Variants in PDE4D observed in about 807,000 individuals in gnomAD.
PDE4D encodes the protein phosphodiesterase 4D.
PDE4D carries 24 observed loss-of-function variants against 87.4 expected under a neutral mutation model. That is an observed-to-expected ratio of 0.27 (90% confidence interval 0.20 to 0.39). PDE4D has a LOEUF of 0.39. Among genes scored for constraint, PDE4D ranks in the 10% least tolerant of loss-of-function variants. The pLI is 1.00. For synonymous variants in PDE4D, 384 were observed against 383.2 expected (o/e 1.00, Z -0.02); for missense variants, 714 against 1,041.0 (o/e 0.69, Z 4.32).
chr5:60,380,062 C>G (rs1233394291), intron 1 of PDE4D, among the ~76,000 whole-genome samples: 1 of 152,120 alleles, frequency 6.6e-6, no homozygotes, highest in Non-Finnish European at 1.5e-5. Flanking sequence ...GTGCCCGATG[C>G]TGGTTAATTT....
chr5:60,337,632 T>A (rs1213173887), intron 1 of PDE4D, among the ~76,000 whole-genome samples: 4 of 151,986 alleles, frequency 2.6e-5, no homozygotes, highest in African/African-American at 7.2e-5. Flanking sequence ...CAGACTTTTT[T>A]AAGTGGAAAA....
chr5:59,891,668 G>A (rs932995964), intron 1 of PDE4D, among the ~76,000 whole-genome samples: 1 of 152,110 alleles, frequency 6.6e-6, no homozygotes, highest in African/African-American at 2.4e-5. Flanking sequence ...GTACCTAAGG[G>A]TGTGAGCCAG....
chr5:59,086,865 G>T (rs1767790343), intron 5 of PDE4D, among the ~76,000 whole-genome samples: 2 of 152,026 alleles, frequency 1.3e-5, no homozygotes, highest in South Asian at 2.1e-4. Flanking sequence ...AACTCCCTTA[G>T]TTCAAGCCCT....
chr5:59,217,264 T>G (rs1361964200), intron 1 of PDE4D: 2 of 455,870 alleles, frequency 4.4e-6, no homozygotes, highest in Admixed American at 2.3e-5. Flanking sequence ...AAAAACTTGT[T>G]GAAAGAATAA....
intron 1 of PDE4D, among the ~76,000 whole-genome samples, chr5:60,239,525 A>C (rs1746834190): frequency 6.6e-6 from 1 of 152,170 alleles, no homozygotes; most frequent in African/African-American, 2.4e-5. Flanking sequence ...ATGAATACAG[A>C]AAGAATTGAA....
chr5:60,196,309 G>C (rs1286122597), intron 1 of PDE4D, among the ~76,000 whole-genome samples: 2 of 151,584 alleles, frequency 1.3e-5, no homozygotes, highest in Non-Finnish European at 3.0e-5. Context: ...AATAATTTCA[G>C]CTCTCTAAAA....
chr5:60,234,054 C>T (rs1309402063), intron 1 of PDE4D, among the ~76,000 whole-genome samples: 2 of 151,790 alleles, frequency 1.3e-5, no homozygotes, highest in Non-Finnish European at 2.9e-5. Context: ...ACCATCAACA[C>T]AATCAAATCA....
chr5:59,411,906 G>T (rs1034603767), intron 1 of PDE4D, among the ~76,000 whole-genome samples: 1 of 152,120 alleles, frequency 6.6e-6, no homozygotes, highest in African/African-American at 2.4e-5. Context: ...CTATCTAAAT[G>T]AACACTGCTC....
intron 2 of PDE4D, among the ~76,000 whole-genome samples, chr5:60,063,140 AAGAAAG>A (rs1771649070): frequency 6.6e-6 from 1 of 151,172 alleles, no homozygotes; most frequent in African/African-American, 2.4e-5. Context: ...GAAAGAAAGA[AAGAAAG>A]AAAGAAAGAA....
intron 1 of PDE4D, among the ~76,000 whole-genome samples, chr5:60,344,121 T>A (rs1356227193): frequency 6.6e-6 from 1 of 152,072 alleles, no homozygotes; most frequent in Admixed American, 6.6e-5. Context: ...TTGCCTCTTC[T>A]TAATGAGACA....
chr5:59,377,047 TA>T (rs751565127), intron 1 of PDE4D, among the ~76,000 whole-genome samples: 58 of 152,240 alleles, frequency 3.8e-4, no homozygotes, highest in Admixed American at 6.5e-4. Flanking sequence ...ATTAAATAGT[TA>T]AATGTAAAAC....
intron 1 of PDE4D, among the ~76,000 whole-genome samples, chr5:59,718,321 G>A (rs1414056553): frequency 6.6e-6 from 1 of 152,128 alleles, no homozygotes; most frequent in Non-Finnish European, 1.5e-5. Context: ...ATGTCAGCTT[G>A]AACCAAAGAC....
At chr5:59,717,998 T>C (rs954361427) in intron 1 of PDE4D, among the ~76,000 whole-genome samples, 2 of 152,210 alleles carry the variant, frequency 1.3e-5, no homozygotes, top group Non-Finnish European at 2.9e-5. Flanking sequence ...GCCATTCCCA[T>C]AACCCACTCT....
chr5:59,816,067 A>G (rs1333155185), intron 1 of PDE4D, among the ~76,000 whole-genome samples: 1 of 152,268 alleles, frequency 6.6e-6, no homozygotes, highest in Non-Finnish European at 1.5e-5. Context: ...AAGACCTGGC[A>G]GTGAAGGGTT....
At chr5:59,615,127 G>A (rs1829502768) in intron 1 of PDE4D, among the ~76,000 whole-genome samples, 1 of 152,140 alleles carries the variant, frequency 6.6e-6, no homozygotes, top group Non-Finnish European at 1.5e-5. Context: ...ACCACGCCTG[G>A]CTGGGATATT....
chr5:59,596,845 A>C (rs949009744), intron 1 of PDE4D, among the ~76,000 whole-genome samples: 96 of 152,234 alleles, frequency 6.3e-4, no homozygotes, highest in African/African-American at 2.2e-3. Context: ...TGAGACTCTA[A>C]TCAGTTCAAG....
At chr5:60,461,407 G>A (rs1304979865) in intron 1 of PDE4D, among the ~76,000 whole-genome samples, 1 of 152,250 alleles carries the variant, frequency 6.6e-6, no homozygotes, top group Admixed American at 6.5e-5. Flanking sequence ...AGTCCACGAA[G>A]AGGAAAGTGC....
At chr5:59,011,973 A>G (rs1254688083) in intron 6 of PDE4D, among the ~76,000 whole-genome samples, 1 of 152,242 alleles carries the variant, frequency 6.6e-6, no homozygotes, top group Middle Eastern at 3.2e-3. Context: ...AAACTCTATA[A>G]GCCAGAAGAG....
In PDE4D at chr5:58,974,744, C is replaced by T. The variant is rs1743288528; in HGVS notation, c.2350G>A (p.Val784Ile). The change falls in exon 15 of 15, where the codon GTT (valine) becomes ATT (isoleucine). Residue 784 changes from valine (V) to isoleucine (I), a missense_variant. By Grantham distance (29) the Val-to-Ile change is conservative. Transcript: ENST00000340635. ...ESTEIPLDEQ[V>I]EEEAVGEEEE... ...TCTTCCCCTACTGCCTCCTCTTCAA[C>T]CTGTTCATCAAGGGGAATTTCAGTA... 1 of 1,613,588 alleles carries T rather than the reference C, an allele frequency of 6.2e-7. No homozygotes were observed. The highest frequency in any genetic ancestry group is 8.5e-7 in the Non-Finnish European group (1 of 1,179,606).
Sources: gnomAD v4.1 joint callset for allele counts (sites outside exome capture counted in the v4.1 genomes callset) on GRCh38, gnomAD v4.1.1 for gene constraint, MANE v1.5 for transcripts, NCBI Gene and HGNC (gene_info 2026-07-23, HGNC 2026-07-21) for gene names.